The following AGO3 variants were observed in gnomAD, a reference collection of about 807,000 sequenced individuals.
AGO3 encodes argonaute RISC catalytic component 3.
In AGO3, 16 loss-of-function variants were observed where a neutral mutation model predicts 105.5. The observed-to-expected ratio is 0.15, with a 90% CI of 0.10 to 0.23. The LOEUF (loss-of-function observed/expected upper bound fraction) is 0.23. Ranked by LOEUF, AGO3 falls within the 10% of genes least tolerant of loss-of-function variation. The probability of loss-of-function intolerance (pLI) is 1.00; values close to 1 mark genes in which losing one functional copy is unlikely to be tolerated. For missense variants in AGO3, 534 were observed against 1,088.0 expected, an observed-to-expected ratio of 0.49 and a Z score of 7.16; for synonymous variants, 340 against 367.3, an observed-to-expected ratio of 0.93 and a Z score of 0.85.
chr1:36,008,804 T>C lies in AGO3; in HGVS notation c.881+27T>C. The C allele has an allele frequency of 6.2e-7, 1 of 1,613,944 alleles. No individual in the cohort carries two copies. The highest frequency in any genetic ancestry group is 8.5e-7 in the Non-Finnish European group (1 of 1,179,878). On this transcript the variant is annotated intron_variant, in intron 7 of 18. Coordinates refer to ENST00000373191, the MANE Select transcript of AGO3 (RefSeq NM_024852.4). This position sits in a 1 kb window ranked among gnomAD's most constrained non-coding sequence, Gnocchi z 5.1. ...TAAGAAAAGTTTGTCAGAGCAGCGATGGTGTGAGGCAGCTTGCTCTAGTTA... is the reference window on the plus strand; with the variant it reads ...TAAGAAAAGTTTGTCAGAGCAGCGACGGTGTGAGGCAGCTTGCTCTAGTTA...
chr1:36,035,391 A>G (rs532579738), intron 13 of AGO3, among the ~76,000 whole-genome samples: 30 of 152,212 alleles, frequency 2.0e-4, no homozygotes, highest in African/African-American at 7.0e-4. Flanking sequence ...ACACAGTGAG[A>G]CCCTGTCTCA....
rs533480230 is a variant in AGO3 at position 35,993,734 on chromosome 1, C to G, written c.659-10607C>G. ...GAAAAGGCTTCCCCAACCACCACCC[C>G]CTGCTTTTTTTTTTTTTTTTTTTTT... On this transcript the variant is annotated intron_variant, in intron 5 of 18. Coordinates refer to ENST00000373191, the MANE Select transcript of AGO3 (RefSeq NM_024852.4). Among the ~76,000 whole-genome samples the G allele has an allele frequency of 5.7e-3, 856 of 149,114 alleles. 11 individuals are homozygous for G. Among genetic ancestry groups the G allele is most frequent in the African/African-American group, 0.02 (820 of 40,104 alleles).
chr1:36,006,145 C>G (rs1640323357), intron 6 of AGO3, among the ~76,000 whole-genome samples: 1 of 150,186 alleles, frequency 6.7e-6, no homozygotes, highest in African/African-American at 2.5e-5. Flanking sequence ...TAAAGTACAT[C>G]ATGTATTCCT....
In AGO3 at chr1:36,008,650, G is replaced by A. The variant is rs1350264388; in HGVS notation, c.794-40G>A. 1.9e-6 allele frequency: 3 copies of A among 1,578,702 alleles called. No homozygotes were observed. The Admixed American group carries it at 5.1e-5, about 27-fold the overall frequency. ...CTTTATAAGTATAAATATTTTACAT[G>A]TGACAGTTCTGTAACCTCCATTTTT... On this transcript the variant is annotated intron_variant, in intron 6 of 18. Transcript: ENST00000373191. The surrounding 1 kb of genome is among the most constrained non-coding windows in gnomAD (Gnocchi z 5.1).
In AGO3 at chr1:35,995,209, A is replaced by ATAT. The variant is rs1553164849; in HGVS notation, c.659-9132_659-9131insTAT. ...GAGCAAGACACTGTCTAAAAAAAAA[A>ATAT]ATATATATATATATATATATATATA... On this transcript the variant is annotated intron_variant, in intron 5 of 18. Transcript: ENST00000373191. Among the ~76,000 whole-genome samples the ATAT allele has an allele frequency of 6.5e-3, 747 of 114,674 alleles. 2 individuals carry two copies. Among genetic ancestry groups the ATAT allele is most frequent in the South Asian group, 0.013 (46 of 3,674 alleles). The allele number at this position is 114,674 out of a possible 152,430, so 75.2% of individuals were successfully genotyped here.
Position 35,935,084 on chromosome 1 carries a change from A to T in AGO3, c.19+3639A>T, listed in dbSNP as rs375626665. 4.6e-5 allele frequency among the ~76,000 whole-genome samples: 7 copies of T among 152,314 alleles called. No homozygotes were observed. In the East Asian group the frequency reaches 9.6e-4, roughly 21 times the overall value. On this transcript the variant is annotated intron_variant, in intron 1 of 18. Coordinates refer to ENST00000373191, the MANE Select transcript of AGO3 (RefSeq NM_024852.4). Reference sequence around the variant, plus strand: ...TGGGTTGTCACTTAAATTTTGGCTTATGCTGCCCTGGAGTGACCATTATGA... The same window carrying T: ...TGGGTTGTCACTTAAATTTTGGCTTTTGCTGCCCTGGAGTGACCATTATGA...
intron 13 of AGO3, among the ~76,000 whole-genome samples, chr1:36,034,601 G>GA (rs1641923648): frequency 6.6e-6 from 1 of 152,202 alleles, no homozygotes; most frequent in South Asian, 2.1e-4. Context: ...TACTGAAAAT[G>GA]AAAGTACACT....
At position 36,027,701 on chromosome 1, in the gene AGO3, C is replaced by T. The variant is rs1041849805; in HGVS notation, c.1591+403C>T. ...GGCTGAGGCAGGAGAATGGCGTGAA[C>T]CCAGGAGGTGGAGCTTGCAGTGAGC... On this transcript the variant is annotated intron_variant, in intron 12 of 18. Transcript: ENST00000373191. This position sits in a 1 kb window ranked among gnomAD's most constrained non-coding sequence, Gnocchi z 4.0. Among the ~76,000 whole-genome samples the T allele has an allele frequency of 2.0e-5, 3 of 151,792 alleles. No individual in the cohort carries two copies. The highest frequency in any genetic ancestry group is 6.6e-5 in the Admixed American group (1 of 15,224).
chr1:36,054,079 C>T (rs373036833), intron 17 of AGO3, among the ~76,000 whole-genome samples: 24 of 152,028 alleles, frequency 1.6e-4, no homozygotes, highest in East Asian at 1.5e-3. Flanking sequence ...TTGAGCTGTC[C>T]TCCCACCTCA....
intron 5 of AGO3, among the ~76,000 whole-genome samples, chr1:35,976,542 A>G (rs923529873): frequency 4.6e-5 from 7 of 152,150 alleles, no homozygotes; most frequent in Non-Finnish European, 8.8e-5. Flanking sequence ...GTAGTGATTA[A>G]TGTGCGTCCT....
intron 1 of AGO3, among the ~76,000 whole-genome samples, chr1:35,933,598 C>T (rs1385904254): frequency 1.4e-5 from 2 of 138,310 alleles, no homozygotes. Context: ...GCTATGATCG[C>T]GCCACTAACT....
At chr1:35,939,647 C>A (rs1003535834) in intron 1 of AGO3, among the ~76,000 whole-genome samples, 2 of 152,156 alleles carry the variant, frequency 1.3e-5, no homozygotes. Context: ...CTACTTTGGG[C>A]AGTGCATTTA....
chr1:36,070,971 G>A lies in AGO3; in HGVS notation c.*15226G>A, dbSNP rs1643155821. 3 of 152,270 alleles carry A rather than the reference G, an allele frequency of 2.0e-5. No homozygotes were observed. Among genetic ancestry groups the A allele is most frequent in the South Asian group, 4.1e-4 (2 of 4,824 alleles). The allele number at this position is 152,270 out of a possible 1,614,324, so 9.4% of individuals were successfully genotyped here. A position where few individuals can be genotyped will look rare whatever the true frequency, so the allele number is the denominator to read the frequency against. On this transcript the variant is annotated 3_prime_UTR_variant, in exon 19 of 19. Coordinates refer to ENST00000373191, the MANE Select transcript of AGO3 (RefSeq NM_024852.4). Reference sequence around the variant, plus strand: ...CTTTGGGAAGCAGTGGTGTGCGTATGTGTGTCTATATCAATATTTTATGTT... The same window carrying A: ...CTTTGGGAAGCAGTGGTGTGCGTATATGTGTCTATATCAATATTTTATGTT...
intron 1 of AGO3, among the ~76,000 whole-genome samples, chr1:35,937,205 T>A (rs1028726268): frequency 1.3e-5 from 2 of 152,096 alleles, no homozygotes; most frequent in East Asian, 3.9e-4. Flanking sequence ...AGTTCGAGAC[T>A]AGCCTGACCA....
intron 12 of AGO3, among the ~76,000 whole-genome samples, chr1:36,031,502 AATG>A (rs1489373384): frequency 6.7e-6 from 1 of 149,812 alleles, no homozygotes. Context: ...TGAGCCACAT[AATG>A]ATTTAATGTT....
chr1:35,981,830 T>G (rs530204211), intron 5 of AGO3, among the ~76,000 whole-genome samples: 29 of 152,264 alleles, frequency 1.9e-4, no homozygotes, highest in African/African-American at 7.0e-4. Flanking sequence ...TGGTATAGAT[T>G]CTTTTCTTTC....
At chr1:35,996,323 T>TAA (rs549557635) in intron 5 of AGO3, among the ~76,000 whole-genome samples, 3 of 135,000 alleles carry the variant, frequency 2.2e-5, no homozygotes, top group African/African-American at 5.5e-5. Flanking sequence ...CTCTGACTCT[T>TAA]AAAAAAAAAA....
chr1:35,990,042 T>C (rs1007926581), intron 5 of AGO3, among the ~76,000 whole-genome samples: 1 of 152,160 alleles, frequency 6.6e-6, no homozygotes, highest in Non-Finnish European at 1.5e-5. Flanking sequence ...TATAAGTTGG[T>C]AGTATCATCA....
At chr1:35,993,747 T>G (rs1240650424) in intron 5 of AGO3, among the ~76,000 whole-genome samples, 1 of 134,878 alleles carries the variant, frequency 7.4e-6, no homozygotes, top group African/African-American at 2.8e-5. Context: ...GCTTTTTTTT[T>G]TTTTTTTTTT....
Sources: gnomAD v4.1 joint callset for allele counts (sites outside exome capture counted in the v4.1 genomes callset) on GRCh38, gnomAD v4.1.1 for gene constraint, Gnocchi (gnomAD v3.1) non-coding constraint, MANE v1.5 for transcripts, NCBI Gene and HGNC (gene_info 2026-07-23, HGNC 2026-07-21) for gene names.